The following NRG3 variants were observed in gnomAD, a reference collection of about 807,000 sequenced individuals.
NRG3 encodes pro-neuregulin-3, membrane-bound isoform.
In NRG3, 31 loss-of-function variants were observed where a neutral mutation model predicts 66.9. That is an observed-to-expected ratio of 0.46 (90% CI 0.35 to 0.63). The LOEUF (loss-of-function observed/expected upper bound fraction) is 0.63, where lower values mean the gene tolerates loss of function less well. NRG3 is among the 20% of genes least tolerant of loss of function. The pLI, the probability that NRG3 is intolerant of heterozygous loss-of-function variation, is 0.00. For missense variants in NRG3, 910 were observed against 878.9 expected, an observed-to-expected ratio of 1.04 and a Z score of -0.45; for synonymous variants, 393 against 359.4, an observed-to-expected ratio of 1.09 and a Z score of -1.06.
At chr10:82,483,185 C>G (rs1842422475) in intron 2 of NRG3, among the ~76,000 whole-genome samples, 1 of 152,172 alleles carries the variant, frequency 6.6e-6, no homozygotes, top group Non-Finnish European at 1.5e-5. Flanking sequence ...CAGAGACCAG[C>G]CTGGCCTTTG....
intron 4 of NRG3, among the ~76,000 whole-genome samples, chr10:82,879,640 T>G (rs1000515834): frequency 6.6e-6 from 1 of 151,910 alleles, no homozygotes; most frequent in Non-Finnish European, 1.5e-5. Context: ...ACCCGGCTAA[T>G]TTTTTTCGTA....
intron 1 of NRG3, among the ~76,000 whole-genome samples, chr10:81,984,999 G>A (rs377543316): frequency 5.9e-5 from 9 of 152,106 alleles, no homozygotes; most frequent in African/African-American, 2.2e-4. Flanking sequence ...AAAACACAAA[G>A]GAAACACAGT....
At position 82,985,278 on chromosome 10, in the gene NRG3, A is replaced by C. The variant is rs1853343385; in HGVS notation, c.1764A>C (p.Gln588His). ...TGGGTTTAGAGGAAACCTGCCTGCA[A>C]ATGCCAGGGATTTCTGAAGTCAAAA... is the stretch of plus-strand genomic sequence containing the variant. ...PSVGLEETCL[Q>H]MPGISEVKSI... Residue 588 changes from glutamine (Q) to histidine (H), a missense_variant, in exon 9 of 9, where the codon CAA (glutamine) becomes CAC (histidine). Coordinates refer to ENST00000372141, the MANE Select transcript of NRG3 (RefSeq NM_001010848.4). 3 of 1,614,036 alleles carry C rather than the reference A, an allele frequency of 1.9e-6. No individual in the cohort carries two copies. Among genetic ancestry groups the C allele is most frequent in the Non-Finnish European group, 2.5e-6 (3 of 1,180,020 alleles).
chr10:82,219,522 G>A (rs1239378057), intron 1 of NRG3, among the ~76,000 whole-genome samples: 1 of 151,958 alleles, frequency 6.6e-6, no homozygotes, highest in Non-Finnish European at 1.5e-5. Flanking sequence ...CTTCTTGCAT[G>A]ATTATTTTTT....
At chr10:82,727,984 G>A (rs1200839539) in intron 2 of NRG3, among the ~76,000 whole-genome samples, 1 of 152,066 alleles carries the variant, frequency 6.6e-6, no homozygotes, top group Non-Finnish European at 1.5e-5. Context: ...ACTTGCATGG[G>A]ACCTGTAGCC....
intron 6 of NRG3, among the ~76,000 whole-genome samples, chr10:82,962,774 G>T (rs969374341): frequency 5.3e-5 from 8 of 152,076 alleles, no homozygotes; most frequent in African/African-American, 1.7e-4. Flanking sequence ...GGGAGGCAGA[G>T]GTTGCAGTGA....
intron 2 of NRG3, among the ~76,000 whole-genome samples, chr10:82,603,369 C>T (rs538055037): frequency 6.6e-6 from 1 of 152,276 alleles, no homozygotes; most frequent in Non-Finnish European, 1.5e-5. Flanking sequence ...TGCTTCTGTA[C>T]ATGTCCTAGA....
At chr10:82,383,568 G>A (rs1431508338) in intron 2 of NRG3, among the ~76,000 whole-genome samples, 2 of 151,868 alleles carry the variant, frequency 1.3e-5, no homozygotes, top group African/African-American at 4.8e-5. Flanking sequence ...GTGTATAATT[G>A]CTTAGTTGGT....
chr10:82,414,143 A>G (rs1286332566), intron 2 of NRG3, among the ~76,000 whole-genome samples: 8 of 152,066 alleles, frequency 5.3e-5, no homozygotes, highest in Non-Finnish European at 1.0e-4. Context: ...TGCCTCCCTC[A>G]CTAAGCTTAA....
intron 3 of NRG3, among the ~76,000 whole-genome samples, chr10:82,822,955 G>T (rs2062017947): frequency 6.6e-6 from 1 of 152,216 alleles, no homozygotes; most frequent in South Asian, 2.1e-4. Context: ...CTAACAGGCT[G>T]ACTGCGGCTA....
chr10:82,618,223 C>T (rs542930154), intron 2 of NRG3, among the ~76,000 whole-genome samples: 1 of 152,092 alleles, frequency 6.6e-6, no homozygotes. Flanking sequence ...GCCAGCCAGC[C>T]GGAGCTGTGG....
chr10:82,510,257 ATACTAATCT>A (rs1236639475), intron 2 of NRG3, among the ~76,000 whole-genome samples: 3 of 152,146 alleles, frequency 2.0e-5, no homozygotes, highest in Non-Finnish European at 2.9e-5. Context: ...CCAGAGGCAG[ATACTAATCT>A]TATCATTGTT....
intron 2 of NRG3, among the ~76,000 whole-genome samples, chr10:82,604,662 A>T (rs569527792): frequency 2.0e-5 from 3 of 152,268 alleles, no homozygotes; most frequent in Non-Finnish European, 4.4e-5. Flanking sequence ...TAGATCAATA[A>T]AACAAAATAG....
chr10:82,851,993 T>G (rs1262965580), intron 3 of NRG3, among the ~76,000 whole-genome samples: 1 of 151,892 alleles, frequency 6.6e-6, no homozygotes, highest in Admixed American at 6.6e-5. Context: ...ATTCCAACAT[T>G]GGTTTTACTT....
At chr10:81,980,688 TATC>T (rs1365844090) in intron 1 of NRG3, among the ~76,000 whole-genome samples, 4 of 152,170 alleles carry the variant, frequency 2.6e-5, no homozygotes, top group African/African-American at 4.8e-5. Context: ...CCATACAAAA[TATC>T]ATATAATAGG....
chr10:82,295,618 A>C (rs1190860704), intron 1 of NRG3, among the ~76,000 whole-genome samples: 1 of 152,176 alleles, frequency 6.6e-6, no homozygotes, highest in Non-Finnish European at 1.5e-5. Context: ...AGGAAAAATA[A>C]AGAAAATTCT....
chr10:82,337,807 A>G (rs2082467010), intron 1 of NRG3, among the ~76,000 whole-genome samples: 1 of 152,228 alleles, frequency 6.6e-6, no homozygotes, highest in Admixed American at 6.5e-5. Flanking sequence ...AATTTTAAAG[A>G]AGAGAAGATG....
intron 1 of NRG3, among the ~76,000 whole-genome samples, chr10:82,263,100 G>A (rs977877509): frequency 2.0e-5 from 3 of 152,222 alleles, no homozygotes; most frequent in Non-Finnish European, 4.4e-5. Flanking sequence ...TCTTGTTAAT[G>A]TCTGTAAGAT....
intron 1 of NRG3, among the ~76,000 whole-genome samples, chr10:82,080,719 A>C (rs1392052325): frequency 6.6e-6 from 1 of 152,198 alleles, no homozygotes; most frequent in Non-Finnish European, 1.5e-5. Context: ...TAACCTTTAA[A>C]AAAAATGTGG....
Sources: allele counts gnomAD v4.1 joint callset (sites outside exome capture counted in the v4.1 genomes callset), GRCh38; gene constraint gnomAD v4.1.1; transcripts MANE v1.5; gene names NCBI Gene and HGNC (gene_info 2026-07-23, HGNC 2026-07-21).